Variants in TMCO4 observed in about 807,000 individuals in gnomAD.
TMCO4 encodes transmembrane and coiled-coil domains 4, also known as transmembrane and coiled-coil domain-containing protein 4.
In TMCO4, 58 loss-of-function variants were observed where a neutral mutation model predicts 64.7. The ratio of observed to expected loss-of-function variants is 0.90; its 90% confidence interval spans 0.73 to 1.12. The LOEUF (loss-of-function observed/expected upper bound fraction) is 1.12, where lower values mean the gene tolerates loss of function less well. Ranked by LOEUF, TMCO4 falls within the 50% of genes most tolerant of loss-of-function variation. The pLI is 0.00. For missense variants in TMCO4, 780 were observed against 825.9 expected, an observed-to-expected ratio of 0.94 and a Z score of 0.68; for synonymous variants, 325 against 346.1, an observed-to-expected ratio of 0.94 and a Z score of 0.68.
Position 19,780,643 on chromosome 1 carries a change from C to A in TMCO4, c.116G>T (p.Arg39Leu). ...PTGRELTEAN[R>L]FAYAALCGIS... is the part of the protein sequence containing the mutation. ...GCCACAGAGGGCAGCATAGGCGAAG[C>A]GGTTGGCCTCAGTCAGCTCCCGGCC... is the stretch of plus-strand genomic sequence containing the variant. Residue 39 changes from arginine (R) to leucine (L), a missense_variant, in exon 4 of 16, where the codon CGC (arginine) becomes CTC (leucine). Physicochemically the swap from Arg to Leu is moderately radical, Grantham distance 102. Coordinates refer to ENST00000294543, the MANE Select transcript of TMCO4 (RefSeq NM_181719.7). 1.9e-6 allele frequency: 3 copies of A among 1,613,878 alleles called. No individual in the cohort carries two copies. Among genetic ancestry groups the A allele is most frequent in the Non-Finnish European group, 2.5e-6 (3 of 1,179,912 alleles).
Position 19,732,700 on chromosome 1 carries a change from C to T in TMCO4, c.1264+4672G>A, listed in dbSNP as rs565037470. Among the ~76,000 whole-genome samples the T allele has an allele frequency of 2.0e-5, 3 of 151,026 alleles. No individual in the cohort carries two copies. The highest frequency in any genetic ancestry group is 7.3e-5 in the African/African-American group (3 of 41,236). On this transcript the variant is annotated intron_variant, in intron 13 of 15. Coordinates refer to ENST00000294543, the MANE Select transcript of TMCO4 (RefSeq NM_181719.7). The surrounding 1 kb of genome is among the most constrained non-coding windows in gnomAD (Gnocchi z 4.8). ...GAGACCAGGAGTTCGAGACCAGCCT[C>T]GGCAACACAGGGAGACCCTGTCTTT... is the stretch of plus-strand genomic sequence containing the variant.
chr1:19,737,424 G>A lies in TMCO4; in HGVS notation c.1212C>T (p.Ser404=). The A allele has an allele frequency of 6.2e-7, 1 of 1,613,942 alleles. No homozygotes were observed. The highest frequency in any genetic ancestry group is 8.5e-7 in the Non-Finnish European group (1 of 1,179,948). The change falls in exon 13 of 16, where the codon AGC becomes AGT. Residue 404 remains serine, a synonymous_variant. Coordinates refer to ENST00000294543, the MANE Select transcript of TMCO4 (RefSeq NM_181719.7). Reference sequence around the variant, plus strand: ...AGAAGTAGATGACTCTGGCTCCCAGGCTGAAGCCAATCAAGGTGACAGGTC... The same window carrying A: ...AGAAGTAGATGACTCTGGCTCCCAGACTGAAGCCAATCAAGGTGACAGGTC... ...GRRPVTLIGF[S]LGARVIYFCL...
chr1:19,754,496 G>A (rs2042156856), intron 7 of TMCO4, among the ~76,000 whole-genome samples: 1 of 152,026 alleles, frequency 6.6e-6, no homozygotes, highest in African/African-American at 2.4e-5. Flanking sequence ...GGTGGCTCTG[G>A]GTCTCAATTT....
At chr1:19,782,335 T>C (rs977336035) in intron 3 of TMCO4, among the ~76,000 whole-genome samples, 2 of 151,970 alleles carry the variant, frequency 1.3e-5, no homozygotes, top group Non-Finnish European at 2.9e-5. Flanking sequence ...AACTGAAAAA[T>C]GCTAAACCCA....
At chr1:19,789,949 AG>A (rs2043945215) in intron 2 of TMCO4, among the ~76,000 whole-genome samples, 1 of 148,186 alleles carries the variant, frequency 6.7e-6, no homozygotes, top group South Asian at 2.3e-4. Flanking sequence ...GCTACTCGGG[AG>A]GGTGAGGTGG....
chr1:19,685,621 T>C (rs1473240870), intron 15 of TMCO4, among the ~76,000 whole-genome samples: 3 of 151,844 alleles, frequency 2.0e-5, no homozygotes, highest in East Asian at 1.9e-4. Flanking sequence ...TCACTGTAGA[T>C]GAAATTGAGC....
chr1:19,708,159 C>T (rs2095311842), intron 13 of TMCO4, among the ~76,000 whole-genome samples: 2 of 152,154 alleles, frequency 1.3e-5, no homozygotes, highest in South Asian at 4.2e-4. Flanking sequence ...GTAGGGAAGC[C>T]TACGATGGTA....
intron 13 of TMCO4, among the ~76,000 whole-genome samples, chr1:19,727,818 T>C (rs949813022): frequency 2.0e-5 from 3 of 152,190 alleles, no homozygotes; most frequent in Non-Finnish European, 4.4e-5. Flanking sequence ...TGCCCATCAA[T>C]GGTAGACTGG....
At chr1:19,701,123 A>T in intron 13 of TMCO4, 1 of 387,856 alleles carries the variant, frequency 2.6e-6, no homozygotes, top group Non-Finnish European at 4.6e-6. Flanking sequence ...TTATATGTCT[A>T]ATCTATTCCT....
intron 3 of TMCO4, among the ~76,000 whole-genome samples, chr1:19,782,596 C>G (rs1435695982): frequency 1.3e-5 from 2 of 152,208 alleles, no homozygotes; most frequent in East Asian, 3.8e-4. Context: ...TTTGTTCTCC[C>G]TCCTTCTTTT....
intron 13 of TMCO4, among the ~76,000 whole-genome samples, chr1:19,710,111 T>C (rs2095323741): frequency 6.6e-6 from 1 of 151,884 alleles, no homozygotes; most frequent in African/African-American, 2.4e-5. Flanking sequence ...ATTTATTTTA[T>C]TTTTTATATT....
rs531142228 is a variant in TMCO4, at chr1:19,691,851, G to A, written c.1500+2583C>T. On this transcript the variant is annotated intron_variant, in intron 15 of 15. Coordinates refer to ENST00000294543, the MANE Select transcript of TMCO4 (RefSeq NM_181719.7). The stretch of plus-strand genomic sequence containing the variant: ...CCAGTGGGAGATAATTGAATCATAG[G>A]GGTGGTTTCCCCCAACCTGTTCTCA... 1.3e-4 allele frequency among the ~76,000 whole-genome samples: 20 copies of A among 152,252 alleles called. 1 individual carries two copies. In the South Asian group the frequency reaches 2.5e-3, roughly 19 times the overall value.
intron 6 of TMCO4, among the ~76,000 whole-genome samples, chr1:19,762,077 G>T (rs61768299): frequency 0.12 from 17,848 of 152,272 alleles, 1,152 homozygotes; most frequent in Non-Finnish European, 0.13. Context: ...AGCCACACAG[G>T]TCAGAGAGTG....
At chr1:19,731,018 C>T in intron 13 of TMCO4, among the ~76,000 whole-genome samples, 1 of 152,276 alleles carries the variant, frequency 6.6e-6, no homozygotes, top group Admixed American at 6.5e-5. Context: ...TGCCTGAAAG[C>T]AGGCAGTGCA....
At chr1:19,785,635 C>T (rs1328838998) in intron 3 of TMCO4, among the ~76,000 whole-genome samples, 1 of 152,142 alleles carries the variant, frequency 6.6e-6, no homozygotes, top group Non-Finnish European at 1.5e-5. Flanking sequence ...CAATAATATG[C>T]CAATACATAA....
At chr1:19,722,628 T>TA (rs1234175236) in intron 13 of TMCO4, among the ~76,000 whole-genome samples, 3 of 147,540 alleles carry the variant, frequency 2.0e-5, no homozygotes, top group Non-Finnish European at 3.1e-5. Flanking sequence ...ATATACTTTA[T>TA]AGTTTAGGAG....
chr1:19,705,711 T>C (rs898895483), intron 13 of TMCO4, among the ~76,000 whole-genome samples: 4 of 151,504 alleles, frequency 2.6e-5, no homozygotes, highest in African/African-American at 9.7e-5. Flanking sequence ...TGACTGTTCC[T>C]AGAACGGGAT....
intron 7 of TMCO4, among the ~76,000 whole-genome samples, chr1:19,752,211 C>T (rs1030373218): frequency 6.6e-6 from 1 of 152,178 alleles, no homozygotes; most frequent in South Asian, 2.1e-4. Flanking sequence ...ATGCCTCCTT[C>T]CCTTTCCTTG....
chr1:19,751,997 G>A (rs777483163), intron 7 of TMCO4, among the ~76,000 whole-genome samples: 21 of 151,636 alleles, frequency 1.4e-4, no homozygotes, highest in Non-Finnish European at 2.6e-4. Context: ...GCAGTGAGCC[G>A]AGATGGCGCC....
Sources: allele counts gnomAD v4.1 joint callset (sites outside exome capture counted in the v4.1 genomes callset), GRCh38; gene constraint gnomAD v4.1.1; non-coding constraint Gnocchi (gnomAD v3.1); transcripts MANE v1.5; gene names NCBI Gene and HGNC (gene_info 2026-07-23, HGNC 2026-07-21).